The following NOS1AP variants were observed in gnomAD, a reference collection of about 807,000 sequenced individuals.
NOS1AP encodes the protein carboxyl-terminal PDZ ligand of neuronal nitric oxide synthase protein.
Under a neutral mutation model 56.2 loss-of-function variants are expected in NOS1AP, and 21 were observed. The ratio of observed to expected loss-of-function variants is 0.37; its 90% CI spans 0.26 to 0.54. The LOEUF (loss-of-function observed/expected upper bound fraction) is 0.54, where lower values mean the gene tolerates loss of function less well. Among genes scored for constraint, NOS1AP ranks in the 20% least tolerant of loss-of-function variants. NOS1AP has a pLI of 0.84. For missense variants in NOS1AP, 522 were observed against 657.8 expected (o/e 0.79, Z 2.26); for synonymous variants, 270 against 274.6 (o/e 0.98, Z 0.17).
chr1:162,323,477 G>C (rs970355551), intron 4 of NOS1AP, among the ~76,000 whole-genome samples: 1 of 152,158 alleles, frequency 6.6e-6, no homozygotes, highest in Non-Finnish European at 1.5e-5. Flanking sequence ...AATGCACAGG[G>C]GTTACCTCTC....
intron 2 of NOS1AP, among the ~76,000 whole-genome samples, chr1:162,259,106 G>A (rs970262774): frequency 6.6e-6 from 1 of 152,068 alleles, no homozygotes; most frequent in Non-Finnish European, 1.5e-5. Flanking sequence ...TCATCATCTG[G>A]GACAGAGAGC....
intron 2 of NOS1AP, among the ~76,000 whole-genome samples, chr1:162,200,662 A>G (rs2102166023): frequency 6.6e-6 from 1 of 152,342 alleles, no homozygotes; most frequent in African/African-American, 2.4e-5. Context: ...TCTTTGGAGA[A>G]TATGGGAGGA....
At chr1:162,349,862 T>A (rs534584717) in intron 6 of NOS1AP, among the ~76,000 whole-genome samples, 47 of 152,328 alleles carry the variant, frequency 3.1e-4, no homozygotes, top group African/African-American at 1.1e-3. Context: ...AACCATACTT[T>A]GAGTCTGAGC....
intron 1 of NOS1AP, among the ~76,000 whole-genome samples, chr1:162,139,884 A>G (rs1426897774): frequency 6.6e-6 from 1 of 151,860 alleles, no homozygotes; most frequent in African/African-American, 2.4e-5. Flanking sequence ...GCTGGAGGGC[A>G]GTGTGTGATC....
chr1:162,360,241 C>T (rs951675033), intron 8 of NOS1AP, among the ~76,000 whole-genome samples: 2 of 152,076 alleles, frequency 1.3e-5, no homozygotes, highest in African/African-American at 4.8e-5. Flanking sequence ...CGGGTTAGAC[C>T]TCAGTGGGTA....
Position 162,217,267 on chromosome 1 carries a change from C to CTTTTTTTTTTTTTTTTTTTTTTT in NOS1AP, c.177+62805_177+62806insTTTTTTTTTTTTTTTTTTTTTTT, listed in dbSNP as rs61378473. ...TGGGTCCTGAAACAGCTGTTGTTAG[C>CTTTTTTTTTTTTTTTTTTTTTTT]TTTTTTTTTTTTTTGAGATGAAGTC... On this transcript the variant is annotated intron_variant, in intron 2 of 9. Coordinates refer to ENST00000361897, the MANE Select transcript of NOS1AP (RefSeq NM_014697.3). Among the ~76,000 whole-genome samples, 105 of 68,394 alleles carry CTTTTTTTTTTTTTTTTTTTTTTT rather than the reference C, an allele frequency of 1.5e-3. 30 individuals carry two copies. The highest frequency in any genetic ancestry group is 2.0e-3 in the Non-Finnish European group (79 of 38,702). The allele number at this position is 68,394 out of a possible 152,430, so 44.9% of individuals were successfully genotyped here. A position where few individuals can be genotyped will look rare whatever the true frequency, so the allele number is the denominator to read the frequency against.
chr1:162,225,761 A>G (rs539566950), intron 2 of NOS1AP, among the ~76,000 whole-genome samples: 1 of 152,324 alleles, frequency 6.6e-6, no homozygotes, highest in Admixed American at 6.5e-5. Flanking sequence ...AGGCTTGTGA[A>G]GTCCTCCCAT....
At chr1:162,348,646 C>T (rs969559705) in intron 6 of NOS1AP, among the ~76,000 whole-genome samples, 2 of 152,176 alleles carry the variant, frequency 1.3e-5, no homozygotes, top group Admixed American at 1.3e-4. Context: ...ATAGTTTCTT[C>T]AAGGTTTAAG....
intron 2 of NOS1AP, among the ~76,000 whole-genome samples, chr1:162,197,821 G>A (rs1360388754): frequency 1.3e-5 from 2 of 152,230 alleles, no homozygotes; most frequent in African/African-American, 4.8e-5. Context: ...GTGTGCGGCA[G>A]GGCTACAGGA....
rs369244101 is a variant in NOS1AP at position 162,142,194 on chromosome 1, TA to T, written c.106-12208del. Among the ~76,000 whole-genome samples, 906 of 152,348 alleles carry T rather than the reference TA, an allele frequency of 5.9e-3. 3 individuals carry two copies. Among genetic ancestry groups the T allele is most frequent in the Non-Finnish European group, 9.2e-3 (626 of 68,030 alleles). On this transcript the variant is annotated intron_variant, in intron 1 of 9. Transcript: ENST00000361897. ...TTAGATGTAGAGCTGACAGAAGATC[TA>T]AATGCCAATCACTTCATATGTATTA... is the stretch of plus-strand genomic sequence containing the variant.
At chr1:162,333,159 C>T (rs780778194) in intron 5 of NOS1AP, 34 bp downstream of exon 5, 1 of 1,458,260 alleles carries the variant, frequency 6.9e-7, no homozygotes, top group Admixed American at 1.7e-5. Flanking sequence ...CTGCTATTTT[C>T]CTCTAATGGT....
intron 1 of NOS1AP, among the ~76,000 whole-genome samples, chr1:162,084,958 C>T (rs1000405041): frequency 3.9e-5 from 6 of 152,104 alleles, no homozygotes; most frequent in Admixed American, 3.9e-4. Context: ...GCCTCTGTAC[C>T]CAGCCCATAG....
chr1:162,107,776 G>A (rs1424919407), intron 1 of NOS1AP, among the ~76,000 whole-genome samples: 1 of 152,094 alleles, frequency 6.6e-6, no homozygotes, highest in Non-Finnish European at 1.5e-5. Flanking sequence ...TAAAACACAG[G>A]GATTTGATTG....
intron 8 of NOS1AP, among the ~76,000 whole-genome samples, chr1:162,359,145 G>A (rs908621104): frequency 2.0e-5 from 3 of 152,118 alleles, no homozygotes; most frequent in African/African-American, 2.4e-5. Flanking sequence ...AGCCTCTCTC[G>A]GTTCCACATG....
At chr1:162,218,403 C>T (rs977298993) in intron 2 of NOS1AP, among the ~76,000 whole-genome samples, 4 of 152,190 alleles carry the variant, frequency 2.6e-5, no homozygotes, top group Admixed American at 6.5e-5. Flanking sequence ...TTTGAACTCT[C>T]TTACCTATTT....
At chr1:162,352,072 T>C (rs1657517783) in intron 6 of NOS1AP, among the ~76,000 whole-genome samples, 1 of 152,066 alleles carries the variant, frequency 6.6e-6, no homozygotes, top group African/African-American at 2.4e-5. Context: ...TCTTTTTTTT[T>C]TTCTCAAGAC....
intron 1 of NOS1AP, among the ~76,000 whole-genome samples, chr1:162,120,141 G>GTA (rs975882678): frequency 6.6e-6 from 1 of 151,490 alleles, no homozygotes; most frequent in East Asian, 1.9e-4. Context: ...ACATGTATGT[G>GTA]TATATATATG....
At chr1:162,330,154 A>G (rs1022605238) in intron 4 of NOS1AP, among the ~76,000 whole-genome samples, 3 of 152,248 alleles carry the variant, frequency 2.0e-5, no homozygotes, top group African/African-American at 7.2e-5. Flanking sequence ...TAAGTTAACT[A>G]AAGAATCCAA....
chr1:162,252,522 G>A (rs886246006), intron 2 of NOS1AP, among the ~76,000 whole-genome samples: 16 of 152,284 alleles, frequency 1.1e-4, no homozygotes, highest in African/African-American at 3.9e-4. Context: ...AGGTCAGCAA[G>A]CCCATTCTGT....
Sources: allele counts gnomAD v4.1 joint callset (sites outside exome capture counted in the v4.1 genomes callset), GRCh38; gene constraint gnomAD v4.1.1; transcripts MANE v1.5; gene names NCBI Gene and HGNC (gene_info 2026-07-23, HGNC 2026-07-21).